The following DNAH2 variants were observed in gnomAD, a reference collection of about 807,000 sequenced individuals.
DNAH2 encodes the protein axonemal beta dynein heavy chain 2.
In DNAH2, 323 loss-of-function variants were observed where a neutral mutation model predicts 523.5. That is an observed-to-expected ratio of 0.62 (90% CI 0.56 to 0.68). DNAH2 has a LOEUF of 0.68. Ranked by LOEUF, DNAH2 falls within the 30% of genes least tolerant of loss-of-function variation. The pLI, the probability that DNAH2 is intolerant of heterozygous loss-of-function variation, is 0.00. For missense variants in DNAH2, 4,907 were observed against 5,701.5 expected, an observed-to-expected ratio of 0.86 and a Z score of 4.49; for synonymous variants, 2,093 against 2,177.4, an observed-to-expected ratio of 0.96 and a Z score of 1.08.
chr17:7,761,544 T>C (rs1807889), intron 18 of DNAH2, among the ~76,000 whole-genome samples: 70,525 of 150,918 alleles, frequency 0.47, 16,817 homozygotes, highest in African/African-American at 0.49. Context: ...CACTCTGTCA[T>C]CCACGCTGGA....
intron 12 of DNAH2, among the ~76,000 whole-genome samples, chr17:7,745,473 C>G (rs980789434): frequency 1.3e-5 from 2 of 152,100 alleles, no homozygotes; most frequent in Admixed American, 1.3e-4. Flanking sequence ...ACCTATATAA[C>G]AAACCTGCAC....
intron 22 of DNAH2, among the ~76,000 whole-genome samples, chr17:7,767,286 A>G (rs1348474291): frequency 6.6e-6 from 1 of 152,156 alleles, no homozygotes; most frequent in Non-Finnish European, 1.5e-5. Flanking sequence ...ATGGCTGAAT[A>G]TTCATATTTG....
At position 7,818,512 on chromosome 17, in the gene DNAH2, G is replaced by C. The variant is rs781234172; in HGVS notation, c.10536+52G>C. 63 of 1,607,374 alleles carry C rather than the reference G, an allele frequency of 3.9e-5. 1 individual carries two copies. In the South Asian group the frequency reaches 6.6e-4, roughly 17 times the overall value. On this transcript the variant is annotated intron_variant, in intron 69 of 85. Coordinates refer to ENST00000572933, the MANE Select transcript of DNAH2 (RefSeq NM_020877.5). ...AGCTAGGGTGAAGCAGGAAGAGTTT[G>C]GAAGGATTGAGAAAAGGGATAAGCT...
At chr17:7,789,923 G>A (rs1468283568) in intron 44 of DNAH2, among the ~76,000 whole-genome samples, 1 of 152,122 alleles carries the variant, frequency 6.6e-6, no homozygotes, top group Non-Finnish European at 1.5e-5. Context: ...ATTCTGGATT[G>A]GACGCACCAA....
chr17:7,804,927 CA>C, intron 59 of DNAH2, 30 bp from the exon 60 acceptor site: 5 of 1,593,548 alleles, frequency 3.1e-6, no homozygotes, highest in Admixed American at 1.7e-5. Flanking sequence ...AAGGCAAAGA[CA>C]AAAAACCCTT....
rs1028623799 is a variant in DNAH2 at position 7,821,601 on chromosome 17, G to C, written c.11142+232G>C. ...GGGCTTTGTGGCATGTCTCACCTGT[G>C]ACCCACAAACTGGCCTGATCTTGCC... On this transcript the variant is annotated intron_variant, in intron 73 of 85. Coordinates refer to ENST00000572933, the MANE Select transcript of DNAH2 (RefSeq NM_020877.5). This position sits in a 1 kb window ranked among gnomAD's most constrained non-coding sequence, Gnocchi z 5.0. Among the ~76,000 whole-genome samples the C allele has an allele frequency of 6.6e-5, 10 of 152,138 alleles. No homozygotes were observed. Among genetic ancestry groups the C allele is most frequent in the African/African-American group, 2.4e-4 (10 of 41,420 alleles).
chr17:7,819,033 C>T lies in DNAH2; in HGVS notation c.10785C>T (p.Thr3595=), dbSNP rs1270675180. 6.2e-7 allele frequency: 1 copy of T among 1,608,734 alleles called. No homozygotes were observed. Among genetic ancestry groups the T allele is most frequent in the African/African-American group, 1.3e-5 (1 of 74,998 alleles). ...EVTEQLETSE[T]TEINTDLARE... ...CTGAGCAGCTGGAGACCAGTGAGAC[C>T]ACAGAGATCAACACTGACTTGGCGC... The change falls in exon 71 of 86, where the codon ACC becomes ACT. Residue 3595 remains threonine, a synonymous_variant. Transcript: ENST00000572933.
chr17:7,763,444 C>A (rs1231987885), intron 18 of DNAH2, among the ~76,000 whole-genome samples: 1 of 152,118 alleles, frequency 6.6e-6, no homozygotes, highest in Non-Finnish European at 1.5e-5. Flanking sequence ...CTGTGCCTGG[C>A]CAATTTTTGT....
At chr17:7,756,589 T>A (rs745668673) in intron 12 of DNAH2, among the ~76,000 whole-genome samples, 1 of 152,108 alleles carries the variant, frequency 6.6e-6, no homozygotes, top group Non-Finnish European at 1.5e-5. Context: ...AAATTCATTT[T>A]AATACTTGAT....
In DNAH2 at chr17:7,759,089, A is replaced by T. The variant is rs562963291; in HGVS notation, c.2413A>T (p.Asn805Tyr). ...CCAGGATGTGGTGACCATCATGACC[A>T]ACTCCTATGAGGTCTTCAAGAATGA... Reference protein sequence around the residue: ...LHQDVVTIMTNSYEVFKNDGP... With the variant: ...LHQDVVTIMTYSYEVFKNDGP... Residue 805 changes from asparagine (N) to tyrosine (Y), a missense_variant, in exon 15 of 86, where the codon AAC becomes TAC. Around this residue, in one of 3 missense-constraint regions of DNAH2, gnomAD observed 2,806 missense variants for 3,190.8 expected, o/e 0.88. Coordinates refer to ENST00000572933, the MANE Select transcript of DNAH2 (RefSeq NM_020877.5). 5.6e-6 allele frequency: 9 copies of T among 1,614,164 alleles called. No homozygotes were observed. In the South Asian group the frequency reaches 8.8e-5, roughly 16 times the overall value.
rs2078186291 is a variant in DNAH2 at position 7,831,873 on chromosome 17, T to C, written c.12726+98T>C. On this transcript the variant is annotated intron_variant, in intron 82 of 85. Transcript: ENST00000572933. This position sits in a 1 kb window ranked among gnomAD's most constrained non-coding sequence, Gnocchi z 4.2. ...GGTTCTAGGTGGGCATAAAGCAAAC[T>C]GCAGAGAGCCGAAACTTTGAAGTTA... 9.2e-7 allele frequency: 1 copy of C among 1,092,608 alleles called. No individual in the cohort carries two copies. Among genetic ancestry groups the C allele is most frequent in the Admixed American group, 2.6e-5 (1 of 38,656 alleles). The allele number at this position is 1,092,608 out of a possible 1,614,324, so 67.7% of individuals were successfully genotyped here.
chr17:7,814,139 T>C lies in DNAH2; in HGVS notation c.9730-2432T>C, dbSNP rs75902617. 3.1e-3 allele frequency among the ~76,000 whole-genome samples: 464 copies of C among 150,878 alleles called. 1 individual carries two copies. The highest frequency in any genetic ancestry group is 5.0e-3 in the Non-Finnish European group (339 of 67,846). ...GACTTCCCCTTAACCGGGTGCACTT[T>C]CGTTCCTTTTGGATTTTGATTTATG... On this transcript the variant is annotated intron_variant, in intron 63 of 85. Transcript: ENST00000572933.
chr17:7,780,837 C>G lies in DNAH2; in HGVS notation c.6003+55C>G. 1.9e-6 allele frequency: 3 copies of G among 1,609,824 alleles called. No individual in the cohort carries two copies. The highest frequency in any genetic ancestry group is 2.5e-6 in the Non-Finnish European group (3 of 1,177,432). The stretch of plus-strand genomic sequence containing the variant: ...ACTTCCACTGTCACTGGACCTATGT[C>G]ACTTCTCTCAAGTCTTTCAGACCCT... On this transcript the variant is annotated intron_variant, in intron 38 of 85. Coordinates refer to ENST00000572933, the MANE Select transcript of DNAH2 (RefSeq NM_020877.5). This position sits in a 1 kb window ranked among gnomAD's most constrained non-coding sequence, Gnocchi z 4.4.
At position 7,801,878 on chromosome 17, in the gene DNAH2, A is replaced by T. The variant is rs199681651; in HGVS notation, c.8833A>T (p.Ile2945Phe). Reference protein sequence around the residue: ...IGVDLGTQENIHRKVAQIFVT... With the variant: ...IGVDLGTQENFHRKVAQIFVT... ...TTTCATCCTGTGTCACTGGCCTCAG[A>T]TCCACAGGAAGGTGGCCCAGATCTT... The change falls in exon 58 of 86, where the codon ATC becomes TTC. Residue 2945 changes from isoleucine (I) to phenylalanine (F), a missense_variant and splice_region_variant. Around this residue, in one of 3 missense-constraint regions of DNAH2, gnomAD observed 1,851 missense variants for 2,139.4 expected, o/e 0.87. Coordinates refer to ENST00000572933, the MANE Select transcript of DNAH2 (RefSeq NM_020877.5). 1 of 1,614,074 alleles carries T rather than the reference A, an allele frequency of 6.2e-7. No homozygotes were observed. Among genetic ancestry groups the T allele is most frequent in the Non-Finnish European group, 8.5e-7 (1 of 1,180,014 alleles).
chr17:7,780,081 G>A lies in DNAH2; in HGVS notation c.5723-76G>A. On this transcript the variant is annotated intron_variant, in intron 36 of 85. Coordinates refer to ENST00000572933, the MANE Select transcript of DNAH2 (RefSeq NM_020877.5). This position sits in a 1 kb window ranked among gnomAD's most constrained non-coding sequence, Gnocchi z 4.4. ...AGTTAGGGTGGGAGAAAATGAGACT[G>A]ATTGGAAAGTGGGTTTGGGGAAGCA... 1.3e-6 allele frequency: 2 copies of A among 1,553,482 alleles called. No homozygotes were observed. The highest frequency in any genetic ancestry group is 1.7e-6 in the Non-Finnish European group (2 of 1,147,392).
chr17:7,734,830 A>G (rs2075095881), intron 7 of DNAH2, 122 bp downstream of exon 7: 2 of 975,452 alleles, frequency 2.1e-6, no homozygotes, highest in South Asian at 1.5e-5. Flanking sequence ...TGACCCACCC[A>G]GGGTTCGGCC....
chr17:7,747,148 CT>C (rs1235352968), intron 12 of DNAH2, among the ~76,000 whole-genome samples: 2 of 150,694 alleles, frequency 1.3e-5, no homozygotes, highest in Admixed American at 6.6e-5. Flanking sequence ...TGCAACTTGC[CT>C]TTTTTTTTGA....
At chr17:7,731,594 T>C (rs2151133208) in intron 4 of DNAH2, among the ~76,000 whole-genome samples, 1 of 152,306 alleles carries the variant, frequency 6.6e-6, no homozygotes, top group African/African-American at 2.4e-5. Flanking sequence ...ATGTTTTCTC[T>C]AATATTAACA....
chr17:7,775,690 C>CA (rs1768945822), intron 30 of DNAH2, among the ~76,000 whole-genome samples: 19 of 78,396 alleles, frequency 2.4e-4, no homozygotes, highest in African/African-American at 5.2e-4. Flanking sequence ...CGTCTCAAAA[C>CA]CAAAAAAAAA....
Sources: gnomAD v4.1 joint callset for allele counts (sites outside exome capture counted in the v4.1 genomes callset) on GRCh38, gnomAD v4.1.1 for gene constraint, gnomAD v4.1.1 regional missense constraint, Gnocchi (gnomAD v3.1) non-coding constraint, MANE v1.5 for transcripts, NCBI Gene and HGNC (gene_info 2026-07-23, HGNC 2026-07-21) for gene names.